The following PPP2R3B variants were observed in gnomAD, a reference collection of about 807,000 sequenced individuals.
PPP2R3B encodes the protein serine/threonine-protein phosphatase 2A regulatory subunit B'' subunit beta.
A neutral mutation model predicts 72.9 loss-of-function variants in PPP2R3B; 68 were observed. That is an observed-to-expected ratio of 0.93 (90% CI 0.77 to 1.14). The LOEUF (loss-of-function observed/expected upper bound fraction) is 1.14, where lower values mean the gene tolerates loss of function less well. PPP2R3B is among the 50% of genes most tolerant of loss of function. The pLI, the probability that PPP2R3B is intolerant of heterozygous loss-of-function variation, is 0.00. For synonymous variants in PPP2R3B, 466 were observed against 375.8 expected, an observed-to-expected ratio of 1.24 and a Z score of -2.78; for missense variants, 1,018 against 842.0, an observed-to-expected ratio of 1.21 and a Z score of -2.59.
intron 1 of PPP2R3B, among the ~76,000 whole-genome samples, chrX:378,514 A>G (rs2072047602): frequency 1.3e-5 from 2 of 152,242 alleles, no homozygotes; most frequent in Admixed American, 6.5e-5. Flanking sequence ...GTAACAGGCA[A>G]GCCTATGAGA....
chrX:356,459 GCCTA>G (rs1243724736), intron 2 of PPP2R3B, among the ~76,000 whole-genome samples: 1 of 152,084 alleles, frequency 6.6e-6, no homozygotes, highest in African/African-American at 2.4e-5. Context: ...CAGGTGATCT[GCCTA>G]CCTCAGCCTC....
chrX:382,256 G>A (rs2072144183), intron 1 of PPP2R3B, among the ~76,000 whole-genome samples: 2 of 149,772 alleles, frequency 1.3e-5, no homozygotes, highest in Admixed American at 1.3e-4. Context: ...GGAGTGCAGT[G>A]GCACAATTTC....
In PPP2R3B at chrX:370,182, C is replaced by T. The variant is rs1000185039; in HGVS notation, c.325-8592G>A. ...CCGAACACGGAGATGAGAGGCCCCACGTGTGGGTTTAAAAATCCCCTCTCT... is the reference window on the plus strand; with the variant it reads ...CCGAACACGGAGATGAGAGGCCCCATGTGTGGGTTTAAAAATCCCCTCTCT... On this transcript the variant is annotated intron_variant, in intron 1 of 12. Transcript: ENST00000390665. Among the ~76,000 whole-genome samples, 90 of 152,314 alleles carry T rather than the reference C, an allele frequency of 5.9e-4. 1 individual carries two copies. The highest frequency in any genetic ancestry group is 2.4e-3 in the Admixed American group (36 of 15,306).
At chrX:358,628 A>C (rs1279456620) in intron 2 of PPP2R3B, among the ~76,000 whole-genome samples, 1 of 152,172 alleles carries the variant, frequency 6.6e-6, no homozygotes, top group South Asian at 2.1e-4. Flanking sequence ...CAGCCAACGG[A>C]CCAGGTTCTT....
intron 7 of PPP2R3B, 146 bp downstream of exon 7, chrX:345,370 G>C: frequency 1.7e-6 from 2 of 1,144,374 alleles, no homozygotes; most frequent in South Asian, 2.6e-5. Context: ...GGCAGCTGCA[G>C]ACACAGAGCG....
Position 386,354 on chromosome X carries a change from G to T in PPP2R3B, c.324+14C>A. 5 of 1,310,398 alleles carry T rather than the reference G, an allele frequency of 3.8e-6. No individual in the cohort carries two copies. Among genetic ancestry groups the T allele is most frequent in the Non-Finnish European group, 4.9e-6 (5 of 1,021,830 alleles). The allele number at this position is 1,310,398 out of a possible 1,614,324, so 81.2% of individuals were successfully genotyped here. On this transcript the variant is annotated intron_variant, in intron 1 of 12. Transcript: ENST00000390665. ...CCACCTGCGCAGTTGTTAGCAGAAG[G>T]AAGAGTAACTTACTACTCTCGTCCC... is the stretch of plus-strand genomic sequence containing the variant.
chrX:347,861 T>C (rs1374888696), intron 2 of PPP2R3B, 168 bp from the exon 3 acceptor site: 7 of 581,200 alleles, frequency 1.2e-5, no homozygotes, highest in Non-Finnish European at 2.1e-5. Context: ...TGGCTTTCGC[T>C]CCAGCCTTCA....
At chrX:350,703 G>C (rs752457565) in intron 2 of PPP2R3B, among the ~76,000 whole-genome samples, 6 of 152,354 alleles carry the variant, frequency 3.9e-5, no homozygotes, top group Non-Finnish European at 7.3e-5. Flanking sequence ...GAAGACGCCA[G>C]GTCCCGCGAG....
rs5989640 is a variant in PPP2R3B, at chrX:338,552, C to G, written c.1577+52G>C. The G allele has an allele frequency of 8.4e-5, 96 of 1,149,546 alleles. 1 individual carries two copies. Among genetic ancestry groups the G allele is most frequent in the African/African-American group, 5.2e-4 (31 of 59,458 alleles). 71.2% of individuals were successfully genotyped at this position (1,149,546 alleles called of 1,614,324 possible). On this transcript the variant is annotated intron_variant, in intron 12 of 12. Coordinates refer to ENST00000390665, the MANE Select transcript of PPP2R3B (RefSeq NM_013239.5). ...CTCCCACTCACCCGTCCTCCCCACT[C>G]ACCCGTCCTCCCACTGACCCGTCCC...
chrX:334,413 T>C lies in PPP2R3B; in HGVS notation c.1682A>G (p.Asp561Gly). The C allele has an allele frequency of 1.3e-6, 2 of 1,590,756 alleles. No homozygotes were observed. The highest frequency in any genetic ancestry group is 1.7e-5 in the Admixed American group (1 of 57,426). Reference protein sequence around the residue: ...FEAPSPLGAVDLYEYACGDED... With the variant: ...FEAPSPLGAVGLYEYACGDED... ...GTCCCCGCATGCGTACTCGTACAGGTCCACGGCGCCCAGCGGTGAGGGCGC... is the reference window on the plus strand; with the variant it reads ...GTCCCCGCATGCGTACTCGTACAGGCCCACGGCGCCCAGCGGTGAGGGCGC... Residue 561 changes from aspartate (D) to glycine (G), a missense_variant, in exon 13 of 13, where the codon GAC becomes GGC. Asp to Gly is a moderately conservative substitution (Grantham distance 94). Transcript: ENST00000390665.
intron 2 of PPP2R3B, among the ~76,000 whole-genome samples, chrX:354,374 G>A (rs779448467): frequency 5.4e-4 from 75 of 139,304 alleles, no homozygotes; most frequent in African/African-American, 2.0e-3. Flanking sequence ...GGCAATGCAC[G>A]CTGCGGTGGA....
chrX:367,206 T>C (rs1243833075), intron 1 of PPP2R3B, among the ~76,000 whole-genome samples: 1 of 152,006 alleles, frequency 6.6e-6, no homozygotes, highest in African/African-American at 2.4e-5. Flanking sequence ...TCAGCGGTAA[T>C]GAGTGGGAAA....
intron 3 of PPP2R3B, 48 bp from the exon 4 acceptor site, chrX:347,384 T>C: frequency 1.3e-6 from 2 of 1,559,252 alleles, no homozygotes; most frequent in South Asian, 1.1e-5. Flanking sequence ...GGGGTGGCTT[T>C]CGACCCCGCA....
At chrX:375,651 G>T (rs1404540876) in intron 1 of PPP2R3B, among the ~76,000 whole-genome samples, 1 of 152,252 alleles carries the variant, frequency 6.6e-6, no homozygotes, top group Non-Finnish European at 1.5e-5. Context: ...GTTCATATCA[G>T]CACTACACAC....
intron 1 of PPP2R3B, among the ~76,000 whole-genome samples, chrX:385,286 C>G (rs1460106865): frequency 7.1e-6 from 1 of 141,458 alleles, no homozygotes; most frequent in African/African-American, 2.6e-5. Context: ...CCCGTCTCAT[C>G]TTTTCTTCCC....
At chrX:335,105 T>TG (rs1378705547) in intron 12 of PPP2R3B, 1 of 152,340 alleles carries the variant, frequency 6.6e-6, no homozygotes, top group Non-Finnish European at 1.5e-5. Context: ...CCCGACAGCC[T>TG]GGCACTGAGC....
Position 382,979 on chromosome X carries a change from G to C in PPP2R3B, c.324+3389C>G, listed in dbSNP as rs192766919. ...TCCTCTCAACCTCCTCAGTAAATGAGGGATTTGGGCAAGAGTTCCTAAGGT... is the reference window on the plus strand; with the variant it reads ...TCCTCTCAACCTCCTCAGTAAATGACGGATTTGGGCAAGAGTTCCTAAGGT... On this transcript the variant is annotated intron_variant, in intron 1 of 12. Transcript: ENST00000390665. Among the ~76,000 whole-genome samples, 3 of 152,186 alleles carry C rather than the reference G, an allele frequency of 2.0e-5. No homozygotes were observed. In the East Asian group the frequency reaches 5.8e-4, roughly 29 times the overall value.
intron 3 of PPP2R3B, 100 bp downstream of exon 3, chrX:347,490 C>T: frequency 7.1e-7 from 1 of 1,399,428 alleles, no homozygotes; most frequent in African/African-American, 1.4e-5. Flanking sequence ...GGTTTCTCCT[C>T]TCACTGCGGC....
rs781683403 is a variant in PPP2R3B at position 338,603 on chromosome X, C to T, written c.1577+1G>A. On this transcript the variant is annotated splice_donor_variant, in intron 12 of 12. Transcript: ENST00000390665. LOFTEE classifies it high-confidence loss of function. ...CCCACTCACCCGTCCTCCCCACTCA[C>T]CCGTCCTCCCAGGGCTCTCCCGCAG... The T allele has an allele frequency of 5.0e-6, 8 of 1,604,216 alleles. No individual in the cohort carries two copies. The highest frequency in any genetic ancestry group is 4.4e-5 in the South Asian group (4 of 90,264).
Sources: allele counts gnomAD v4.1 joint callset (sites outside exome capture counted in the v4.1 genomes callset), GRCh38; gene constraint gnomAD v4.1.1; transcripts MANE v1.5; gene names NCBI Gene and HGNC (gene_info 2026-07-23, HGNC 2026-07-21).